The following EPB41L3 variants were observed in gnomAD, a reference collection of about 807,000 sequenced individuals.
EPB41L3 encodes erythrocyte membrane protein band 4.1 like 3.
A neutral mutation model predicts 127.1 loss-of-function variants in EPB41L3; 57 were observed. The ratio of observed to expected loss-of-function variants is 0.45; its 90% CI spans 0.36 to 0.56. EPB41L3 has a LOEUF of 0.56. Among genes scored for constraint, EPB41L3 ranks in the 20% least tolerant of loss-of-function variants. The pLI is 0.00. For missense variants in EPB41L3, 1,273 were observed against 1,372.2 expected, an observed-to-expected ratio of 0.93 and a Z score of 1.14; for synonymous variants, 572 against 549.5, an observed-to-expected ratio of 1.04 and a Z score of -0.57.
intron 3 of EPB41L3, among the ~76,000 whole-genome samples, chr18:5,595,796 A>T (rs1328370438): frequency 6.6e-6 from 1 of 151,896 alleles, no homozygotes; most frequent in Non-Finnish European, 1.5e-5. Flanking sequence ...TCCACCAAAA[A>T]ATTTCTAAAT....
chr18:5,586,403 G>T (rs1015879622), intron 3 of EPB41L3, among the ~76,000 whole-genome samples: 7 of 135,560 alleles, frequency 5.2e-5, no homozygotes, highest in African/African-American at 8.0e-5. Flanking sequence ...TTTCTTTTTT[G>T]TTTTTTTTTT....
intron 6 of EPB41L3, among the ~76,000 whole-genome samples, chr18:5,435,527 A>G (rs1598897514): frequency 1.3e-5 from 2 of 152,236 alleles, no homozygotes; most frequent in East Asian, 3.8e-4. Context: ...GTATAGTCAC[A>G]TGCTCTACAG....
intron 3 of EPB41L3, among the ~76,000 whole-genome samples, chr18:5,463,084 A>G (rs1362867374): frequency 6.6e-6 from 1 of 152,152 alleles, no homozygotes; most frequent in Non-Finnish European, 1.5e-5. Flanking sequence ...TTTTCAGGAT[A>G]GTTCCTTAAA....
chr18:5,533,221 G>A (rs1049326370), intron 1 of EPB41L3, among the ~76,000 whole-genome samples: 13 of 152,166 alleles, frequency 8.5e-5, no homozygotes, highest in Non-Finnish European at 1.3e-4. Flanking sequence ...GCCAAGACAC[G>A]GCCATGCTGT....
In EPB41L3 at chr18:5,407,120, C is replaced by T. The variant is rs556101019; in HGVS notation, c.2158-152G>A. 7.1e-5 allele frequency: 45 copies of T among 634,030 alleles called. No homozygotes were observed. The South Asian group carries it at 1.0e-3, about 14-fold the overall frequency. The allele number at this position is 634,030 out of a possible 1,614,324, so 39.3% of individuals were successfully genotyped here. A position where few individuals can be genotyped will look rare whatever the true frequency, so the allele number is the denominator to read the frequency against. ...GGCTCATGGCACTACCACAAACACTCTGGTGAAAATGTGATTTTCCCATGG... is the reference window on the plus strand; with the variant it reads ...GGCTCATGGCACTACCACAAACACTTTGGTGAAAATGTGATTTTCCCATGG... On this transcript the variant is annotated intron_variant, in intron 15 of 22. Coordinates refer to ENST00000341928, the MANE Select transcript of EPB41L3 (RefSeq NM_012307.5).
At chr18:5,424,766 A>G (rs1443467102) in intron 9 of EPB41L3, among the ~76,000 whole-genome samples, 1 of 152,224 alleles carries the variant, frequency 6.6e-6, no homozygotes, top group African/African-American at 2.4e-5. Flanking sequence ...GTTTACAAAT[A>G]TAGTCTACAG....
intron 3 of EPB41L3, among the ~76,000 whole-genome samples, chr18:5,464,949 C>A (rs1324087281): frequency 6.6e-6 from 1 of 152,198 alleles, no homozygotes; most frequent in African/African-American, 2.4e-5. Flanking sequence ...GAACACTATA[C>A]CTACTTGTTC....
intron 3 of EPB41L3, among the ~76,000 whole-genome samples, chr18:5,609,992 G>A (rs2144012594): frequency 6.6e-6 from 1 of 152,286 alleles, no homozygotes; most frequent in African/African-American, 2.4e-5. Context: ...CTCTGATGCA[G>A]GAGGACTGAG....
At chr18:5,417,820 C>T (rs2077009223) in intron 12 of EPB41L3, among the ~76,000 whole-genome samples, 1 of 152,104 alleles carries the variant, frequency 6.6e-6, no homozygotes. Flanking sequence ...AAACAGGAAC[C>T]TGCACAAATC....
upstream of EPB41L3, among the ~76,000 whole-genome samples, chr18:5,548,461 A>G (rs1216864073): frequency 2.6e-5 from 4 of 152,232 alleles, no homozygotes; most frequent in Admixed American, 1.3e-4. Context: ...AGATGGAGCA[A>G]GTTTAGGCAT....
At chr18:5,436,981 C>T (rs1457781017) in intron 6 of EPB41L3, among the ~76,000 whole-genome samples, 1 of 152,158 alleles carries the variant, frequency 6.6e-6, no homozygotes, top group Non-Finnish European at 1.5e-5. Flanking sequence ...GAATGCAAAG[C>T]TTACACAGAA....
chr18:5,468,839 C>T (rs2085497970), intron 3 of EPB41L3, among the ~76,000 whole-genome samples: 1 of 152,168 alleles, frequency 6.6e-6, no homozygotes, highest in African/African-American at 2.4e-5. Context: ...TCGCTTGAAC[C>T]TGGGAGGTGG....
chr18:5,398,523 G>C (rs944259656), intron 16 of EPB41L3: 1 of 403,794 alleles, frequency 2.5e-6, no homozygotes, highest in Non-Finnish European at 4.3e-6. Context: ...TTAAGAAGCT[G>C]GGTTGGCTGC....
intron 3 of EPB41L3, among the ~76,000 whole-genome samples, chr18:5,593,784 C>T (rs543484586): frequency 5.2e-4 from 79 of 152,280 alleles, no homozygotes; most frequent in African/African-American, 1.4e-3. Flanking sequence ...TTCAGGGGCG[C>T]ATTCTCTTTC....
chr18:5,427,554 T>C (rs1411609660), intron 9 of EPB41L3, among the ~76,000 whole-genome samples: 3 of 152,192 alleles, frequency 2.0e-5, no homozygotes, highest in African/African-American at 7.2e-5. Flanking sequence ...AGAACATTGA[T>C]ATAATTCACA....
chr18:5,610,380 C>T (rs2094712225), intron 3 of EPB41L3: 1 of 829,846 alleles, frequency 1.2e-6, no homozygotes, highest in Non-Finnish European at 1.5e-6. Flanking sequence ...GAGAAAGTTT[C>T]TGTAGAAAAA....
At chr18:5,550,642 A>G (rs2093951200) in intron 3 of EPB41L3, among the ~76,000 whole-genome samples, 1 of 152,194 alleles carries the variant, frequency 6.6e-6, no homozygotes, top group Admixed American at 6.5e-5. Context: ...ATACCAGATG[A>G]CATCTGTTAG....
chr18:5,561,179 G>T (rs959918742), intron 3 of EPB41L3, among the ~76,000 whole-genome samples: 5 of 151,682 alleles, frequency 3.3e-5, no homozygotes, highest in Non-Finnish European at 5.9e-5. Context: ...GGGTTTCACC[G>T]TATTAGCCAG....
chr18:5,580,434 A>G (rs559063384), intron 3 of EPB41L3, among the ~76,000 whole-genome samples: 1 of 152,314 alleles, frequency 6.6e-6, no homozygotes, highest in East Asian at 1.9e-4. Context: ...ATACATGTAT[A>G]TAGACACACA....
Sources: allele counts gnomAD v4.1 joint callset (sites outside exome capture counted in the v4.1 genomes callset), GRCh38; gene constraint gnomAD v4.1.1; transcripts MANE v1.5; gene names NCBI Gene and HGNC (gene_info 2026-07-23, HGNC 2026-07-21).